SMYD3: variants seen among roughly 807,000 people sequenced by gnomAD.
SMYD3 encodes the protein histone-lysine N-methyltransferase SMYD3.
Under a neutral mutation model 57.7 loss-of-function variants are expected in SMYD3, and 36 were observed. The observed-to-expected ratio is 0.62, with a 90% CI of 0.48 to 0.82. The LOEUF is 0.82. Ranked by LOEUF, SMYD3 falls within the 40% of genes least tolerant of loss-of-function variation. SMYD3 has a pLI of 0.00. For synonymous variants in SMYD3, 211 were observed against 195.0 expected, an observed-to-expected ratio of 1.08 and a Z score of -0.68; for missense variants, 515 against 538.8, an observed-to-expected ratio of 0.96 and a Z score of 0.44.
At chr1:246,310,852 T>A (rs2148631873) in intron 5 of SMYD3, among the ~76,000 whole-genome samples, 1 of 152,036 alleles carries the variant, frequency 6.6e-6, no homozygotes, top group East Asian at 1.9e-4. Context: ...GTATTTTTAG[T>A]AGAGACGGGG....
intron 1 of SMYD3, among the ~76,000 whole-genome samples, chr1:246,494,346 A>G (rs1439273956): frequency 3.3e-5 from 5 of 152,068 alleles, no homozygotes; most frequent in African/African-American, 1.2e-4. Context: ...CACTTATTTC[A>G]CTGGTATCAT....
At chr1:246,050,709 T>C (rs2060052096) in intron 5 of SMYD3, among the ~76,000 whole-genome samples, 2 of 152,168 alleles carry the variant, frequency 1.3e-5, no homozygotes, top group South Asian at 4.1e-4. Flanking sequence ...TTGTACCAGT[T>C]GGATAGTGTG....
At chr1:246,215,137 G>A (rs1363042808) in intron 5 of SMYD3, among the ~76,000 whole-genome samples, 1 of 152,150 alleles carries the variant, frequency 6.6e-6, no homozygotes, top group African/African-American at 2.4e-5. Flanking sequence ...CTGGCGGCTA[G>A]ATATGCCTAA....
At chr1:245,958,019 A>G (rs569310581) in intron 5 of SMYD3, among the ~76,000 whole-genome samples, 24 of 151,612 alleles carry the variant, frequency 1.6e-4, no homozygotes, top group African/African-American at 5.8e-4. Flanking sequence ...AGACTTTGAG[A>G]AAAAAAAAGC....
intron 5 of SMYD3, among the ~76,000 whole-genome samples, chr1:246,009,726 T>G (rs887231546): frequency 6.6e-6 from 1 of 151,234 alleles, no homozygotes; most frequent in Non-Finnish European, 1.5e-5. Flanking sequence ...ACCTTCAAAA[T>G]TATTGTTGTG....
intron 1 of SMYD3, among the ~76,000 whole-genome samples, chr1:246,419,958 G>C (rs1052239426): frequency 6.6e-5 from 10 of 152,370 alleles, no homozygotes; most frequent in African/African-American, 2.4e-4. Flanking sequence ...AATTTCGGGA[G>C]GCCGAGGCAG....
intron 5 of SMYD3, among the ~76,000 whole-genome samples, chr1:245,944,914 T>C (rs535937205): frequency 6.6e-6 from 1 of 152,072 alleles, no homozygotes; most frequent in Non-Finnish European, 1.5e-5. Context: ...AAAATGGTAC[T>C]GGGGGAACTG....
intron 10 of SMYD3, among the ~76,000 whole-genome samples, chr1:245,818,548 T>A (rs1469001754): frequency 6.6e-6 from 1 of 151,998 alleles, no homozygotes; most frequent in Non-Finnish European, 1.5e-5. Flanking sequence ...ATAACAATAT[T>A]AACTTTAAAC....
chr1:246,160,434 T>C (rs1305024715), intron 5 of SMYD3, among the ~76,000 whole-genome samples: 1 of 152,152 alleles, frequency 6.6e-6, no homozygotes, highest in Admixed American at 6.5e-5. Context: ...CACTCTGAGA[T>C]ACCTGGGGAG....
chr1:246,002,207 T>C (rs1435882128), intron 5 of SMYD3, among the ~76,000 whole-genome samples: 94 of 151,666 alleles, frequency 6.2e-4, no homozygotes, highest in Middle Eastern at 3.5e-3. Context: ...TTTTTTTAAA[T>C]GGAGTCTCGC....
intron 10 of SMYD3, among the ~76,000 whole-genome samples, chr1:245,857,131 A>G (rs1252710320): frequency 6.6e-6 from 1 of 152,202 alleles, no homozygotes; most frequent in Non-Finnish European, 1.5e-5. Flanking sequence ...AAGCTGACTC[A>G]CAGTCTGGAT....
At chr1:245,890,033 G>A (rs1485005862) in intron 8 of SMYD3, among the ~76,000 whole-genome samples, 3 of 151,048 alleles carry the variant, frequency 2.0e-5, no homozygotes, top group African/African-American at 7.4e-5. Context: ...TGGATGTGCA[G>A]AAGAATGAAA....
chr1:246,300,074 C>T (rs962791610), intron 5 of SMYD3, among the ~76,000 whole-genome samples: 1 of 146,316 alleles, frequency 6.8e-6, no homozygotes, highest in African/African-American at 2.7e-5. Context: ...GAATAGTATA[C>T]AACCATTAAA....
intron 1 of SMYD3, among the ~76,000 whole-genome samples, chr1:246,416,977 A>G (rs754420853): frequency 2.7e-4 from 41 of 152,172 alleles, no homozygotes; most frequent in Non-Finnish European, 5.0e-4. Flanking sequence ...AGTCATTGCC[A>G]AGACCAGACA....
intron 5 of SMYD3, among the ~76,000 whole-genome samples, chr1:246,011,923 C>T (rs1327768880): frequency 1.3e-5 from 2 of 152,046 alleles, no homozygotes; most frequent in African/African-American, 2.4e-5. Context: ...TGATACTGGC[C>T]GTCAGTATCA....
rs956906281 is a variant in SMYD3, at chr1:245,955,981, C to T, written c.532-26044G>A. ...ACCTCTTGATGTGTCTTCTAGGAGG[C>T]GCTTATGAAGAGAATTTCCATAGGA... On this transcript the variant is annotated intron_variant, in intron 5 of 11. Coordinates refer to ENST00000490107, the MANE Select transcript of SMYD3 (RefSeq NM_001167740.2). The T allele has an allele frequency of 4.2e-5, 41 of 984,764 alleles. No homozygotes were observed. The Admixed American group carries it at 5.5e-4, about 13-fold the overall frequency. The allele number at this position is 984,764 out of a possible 1,614,324, so 61.0% of individuals were successfully genotyped here. A position where few individuals can be genotyped will look rare whatever the true frequency, so the allele number is the denominator to read the frequency against.
intron 1 of SMYD3, among the ~76,000 whole-genome samples, chr1:246,489,079 G>A (rs2068230886): frequency 6.6e-6 from 1 of 152,196 alleles, no homozygotes; most frequent in African/African-American, 2.4e-5. Flanking sequence ...GGGCGCGGTG[G>A]TTCACACCTG....
chr1:245,969,391 A>G (rs551274224), intron 5 of SMYD3, among the ~76,000 whole-genome samples: 107 of 152,346 alleles, frequency 7.0e-4, no homozygotes, highest in Non-Finnish European at 1.4e-3. Context: ...GCCTTAGCCA[A>G]GACTTTTCTC....
Position 245,751,479 on chromosome 1 carries a change from G to T in SMYD3, c.1186-1815C>A, listed in dbSNP as rs554655157. On this transcript the variant is annotated intron_variant, in intron 11 of 11. Coordinates refer to ENST00000490107, the MANE Select transcript of SMYD3 (RefSeq NM_001167740.2). ...CCTCTTGAATGTTCCCTTTAGGCTGGAAGGAAAACAGGCAGACAGAGGGGG... is the reference window on the plus strand; with the variant it reads ...CCTCTTGAATGTTCCCTTTAGGCTGTAAGGAAAACAGGCAGACAGAGGGGG... 5.7e-4 allele frequency among the ~76,000 whole-genome samples: 86 copies of T among 151,782 alleles called. 1 individual carries two copies. The highest frequency in any genetic ancestry group is 1.9e-3 in the African/African-American group (78 of 41,410).
Sources: gnomAD v4.1 joint callset for allele counts (sites outside exome capture counted in the v4.1 genomes callset) on GRCh38, gnomAD v4.1.1 for gene constraint, MANE v1.5 for transcripts, NCBI Gene and HGNC (gene_info 2026-07-23, HGNC 2026-07-21) for gene names.